The following BRAF variants were observed in gnomAD, a reference collection of about 807,000 sequenced individuals.
The protein encoded by BRAF is serine/threonine-protein kinase B-raf.
Under a neutral mutation model 104.6 loss-of-function variants are expected in BRAF, and 16 were observed. The ratio of observed to expected loss-of-function variants is 0.15; its 90% confidence interval spans 0.10 to 0.23. The LOEUF (loss-of-function observed/expected upper bound fraction) is 0.23, where lower values mean the gene tolerates loss of function less well. Among genes scored for constraint, BRAF ranks in the 10% least tolerant of loss-of-function variants. The probability of loss-of-function intolerance (pLI) is 1.00; values close to 1 mark genes in which losing one functional copy is unlikely to be tolerated. For synonymous variants in BRAF, 310 were observed against 341.6 expected (o/e 0.91, Z 1.02); for missense variants, 541 against 937.3 (o/e 0.58, Z 5.52).
Position 140,908,994 on chromosome 7 carries a change from T to C in BRAF, c.138+15572A>G, listed in dbSNP as rs76603725. 3.4e-3 allele frequency among the ~76,000 whole-genome samples: 510 copies of C among 151,516 alleles called. 34 individuals carry two copies. In the East Asian group the frequency reaches 0.074, roughly 22 times the overall value. On this transcript the variant is annotated intron_variant, in intron 1 of 19. Coordinates refer to ENST00000644969, the MANE Select transcript of BRAF (RefSeq NM_001374258.1). ...CTGCAACTGCTCTACGTTTTCTTTT[T>C]TTTTTTTTTTTTTTAATACTGTTTC... is the stretch of plus-strand genomic sequence containing the variant.
At chr7:140,858,475 C>G (rs765780841) in intron 1 of BRAF, among the ~76,000 whole-genome samples, 7 of 152,160 alleles carry the variant, frequency 4.6e-5, no homozygotes, top group Non-Finnish European at 1.0e-4. Context: ...AAATGTGGGA[C>G]ATTCTAAGAC....
chr7:140,818,408 G>A (rs1403789543), intron 3 of BRAF, among the ~76,000 whole-genome samples: 1 of 151,740 alleles, frequency 6.6e-6, no homozygotes, highest in East Asian at 1.9e-4. Flanking sequence ...TGCCTCCCAG[G>A]TTCAAGCAAT....
intron 1 of BRAF, among the ~76,000 whole-genome samples, chr7:140,902,650 A>T (rs2129130480): frequency 6.6e-6 from 1 of 152,360 alleles, no homozygotes; most frequent in East Asian, 1.9e-4. Context: ...AAAGCAAAAC[A>T]GGCCGGGCAC....
chr7:140,741,582 A>G (rs902844442), intron 17 of BRAF: 1 of 152,100 alleles, frequency 6.6e-6, no homozygotes, highest in Non-Finnish European at 1.5e-5. Flanking sequence ...TCTTTTTGTG[A>G]TATGTATCTT....
At chr7:140,795,943 A>T (rs996568501) in intron 7 of BRAF, among the ~76,000 whole-genome samples, 4 of 152,188 alleles carry the variant, frequency 2.6e-5, no homozygotes. Flanking sequence ...AGCCAAATAT[A>T]TGTCTATAGC....
At chr7:140,875,166 A>T (rs1812080305) in intron 1 of BRAF, among the ~76,000 whole-genome samples, 1 of 152,228 alleles carries the variant, frequency 6.6e-6, no homozygotes. Context: ...TGGGACAGTA[A>T]CAAAAAGATC....
chr7:140,885,975 G>A (rs1437761816), intron 1 of BRAF, among the ~76,000 whole-genome samples: 2 of 152,170 alleles, frequency 1.3e-5, no homozygotes, highest in African/African-American at 2.4e-5. Flanking sequence ...AGGTGAGTAA[G>A]AGTTTAGGAG....
At chr7:140,825,897 CAG>C (rs1250327579) in intron 3 of BRAF, among the ~76,000 whole-genome samples, 1 of 152,126 alleles carries the variant, frequency 6.6e-6, no homozygotes, top group African/African-American at 2.4e-5. Context: ...TTGTCCAACT[CAG>C]AGATTGTGCT....
intron 3 of BRAF, among the ~76,000 whole-genome samples, chr7:140,830,534 T>C (rs1347957638): frequency 6.6e-6 from 1 of 152,166 alleles, no homozygotes; most frequent in Non-Finnish European, 1.5e-5. Flanking sequence ...TGGAATTTCC[T>C]AGGTGGTAGG....
Position 140,730,008 on chromosome 7 carries a change from G to GA in BRAF, c.2402-3493dup, listed in dbSNP as rs543147249. Among the ~76,000 whole-genome samples, 524 of 151,892 alleles carry GA rather than the reference G, an allele frequency of 3.4e-3. 3 individuals are homozygous for GA. Among genetic ancestry groups the GA allele is most frequent in the African/African-American group, 0.012 (502 of 41,434 alleles). Reference sequence around the variant, plus strand: ...TTATAGTCATACTTGGTGTTGAGGGGAAAAAAATAAAAGAATCCATAGTTC... The same window carrying GA: ...TTATAGTCATACTTGGTGTTGAGGGGAAAAAAAATAAAAGAATCCATAGTTC... On this transcript the variant is annotated intron_variant, in intron 19 of 19. Coordinates refer to ENST00000644969, the MANE Select transcript of BRAF (RefSeq NM_001374258.1).
At chr7:140,824,114 A>G (rs371825152) in intron 3 of BRAF, 16 of 152,268 alleles carry the variant, frequency 1.1e-4, no homozygotes, top group African/African-American at 3.6e-4. Flanking sequence ...TCTGTTGATT[A>G]TATCCTTTGA....
intron 3 of BRAF, among the ~76,000 whole-genome samples, chr7:140,820,718 T>C (rs140470168): frequency 3.1e-4 from 47 of 152,186 alleles, no homozygotes; most frequent in African/African-American, 9.4e-4. Context: ...AGAGGGAGGA[T>C]TGCTTGAGCC....
chr7:140,825,334 T>C (rs1805921845), intron 3 of BRAF, among the ~76,000 whole-genome samples: 2 of 152,198 alleles, frequency 1.3e-5, no homozygotes, highest in Non-Finnish European at 1.5e-5. Context: ...ATCAGATACA[T>C]GGCTTACAAA....
intron 14 of BRAF, among the ~76,000 whole-genome samples, chr7:140,765,683 A>G (rs1019419230): frequency 2.6e-5 from 4 of 152,198 alleles, no homozygotes; most frequent in African/African-American, 9.7e-5. Flanking sequence ...TATGCAGCCA[A>G]AAGACACATG....
intron 3 of BRAF, among the ~76,000 whole-genome samples, chr7:140,817,361 C>T (rs1247722593): frequency 6.6e-6 from 1 of 152,090 alleles, no homozygotes; most frequent in Non-Finnish European, 1.5e-5. Flanking sequence ...ATCAATATTG[C>T]TAAAGTGTCC....
At chr7:140,786,568 T>C (rs1055135616) in intron 9 of BRAF, among the ~76,000 whole-genome samples, 3 of 152,214 alleles carry the variant, frequency 2.0e-5, no homozygotes, top group Non-Finnish European at 4.4e-5. Flanking sequence ...TGTTGTCTTA[T>C]GTGCTAGAGT....
At chr7:140,828,440 C>T (rs988111946) in intron 3 of BRAF, among the ~76,000 whole-genome samples, 2 of 152,222 alleles carry the variant, frequency 1.3e-5, no homozygotes, top group East Asian at 1.9e-4. Context: ...CTCAGCTATA[C>T]ATTTAAATAA....
chr7:140,744,232 G>T (rs1396537791), intron 17 of BRAF, among the ~76,000 whole-genome samples: 5 of 152,168 alleles, frequency 3.3e-5, no homozygotes, highest in Non-Finnish European at 7.3e-5. Flanking sequence ...CCCCGCAGGT[G>T]GTTAATCATA....
At chr7:140,801,353 A>G (rs1803091918) in intron 6 of BRAF, 59 bp downstream of exon 6, 37 of 1,584,502 alleles carry the variant, frequency 2.3e-5, no homozygotes, top group Non-Finnish European at 3.2e-5. Flanking sequence ...GTAGCTTCAC[A>G]TTAAGAAAAT....
Sources: allele counts gnomAD v4.1 joint callset (sites outside exome capture counted in the v4.1 genomes callset), GRCh38; gene constraint gnomAD v4.1.1; transcripts MANE v1.5; gene names NCBI Gene and HGNC (gene_info 2026-07-23, HGNC 2026-07-21).